The following CCDC73 variants were observed in gnomAD, a reference collection of about 807,000 sequenced individuals.
The protein encoded by CCDC73 is coiled-coil domain containing 73.
Under a neutral mutation model 116.5 loss-of-function variants are expected in CCDC73, and 95 were observed. That is an observed-to-expected ratio of 0.82 (90% confidence interval 0.69 to 0.97). The LOEUF (loss-of-function observed/expected upper bound fraction) is 0.97, where lower values mean the gene tolerates loss of function less well. CCDC73 is among the 50% of genes least tolerant of loss of function. The pLI, the probability that CCDC73 is intolerant of heterozygous loss-of-function variation, is 0.00. For synonymous variants in CCDC73, 398 were observed against 401.3 expected (o/e 0.99, Z 0.10); for missense variants, 1,066 against 1,206.8 (o/e 0.88, Z 1.73).
At position 32,614,343 on chromosome 11, in the gene CCDC73, G is replaced by A; in HGVS notation, c.1975C>T (p.Gln659Ter). Reference sequence around the variant, plus strand: ...AGTTGTATTTGTTTTATTTTACATTGTTTATCATCTAACATAACATTACTT... The same window carrying A: ...AGTTGTATTTGTTTTATTTTACATTATTTATCATCTAACATAACATTACTT... ...NSSNVMLDDKQCKIKQIQLLT... is the reference protein window; with the variant it reads ...NSSNVMLDDK The change falls in exon 16 of 18, where the codon CAA becomes TAA. Residue 659 changes from glutamine to a stop codon, truncating the protein, a stop_gained. Transcript: ENST00000335185. LOFTEE classifies it high-confidence loss of function. The A allele has an allele frequency of 6.2e-7, 1 of 1,610,838 alleles. No individual in the cohort carries two copies. The highest frequency in any genetic ancestry group is 2.2e-5 in the East Asian group (1 of 44,792).
At chr11:32,744,598 T>C (rs1034129845) in intron 2 of CCDC73, among the ~76,000 whole-genome samples, 1 of 152,230 alleles carries the variant, frequency 6.6e-6, no homozygotes, top group Admixed American at 6.5e-5. Context: ...CTGTTATTGG[T>C]CTATTCAGAG....
Position 32,611,268 on chromosome 11 carries a change from G to A in CCDC73, c.2897-3C>T. On this transcript the variant is annotated splice_polypyrimidine_tract_variant and splice_region_variant and intron_variant, in intron 16 of 17. Transcript: ENST00000335185. ...AACTCTGTTAATGCTGGTAGTATCT[G>A]ATTGATAAAGAGGAAATGGCAACAA... The A allele has an allele frequency of 6.2e-7, 1 of 1,609,240 alleles. No individual in the cohort carries two copies. The highest frequency in any genetic ancestry group is 1.3e-5 in the African/African-American group (1 of 74,790).
At chr11:32,715,620 C>T (rs1439186783) in intron 3 of CCDC73, among the ~76,000 whole-genome samples, 1 of 152,044 alleles carries the variant, frequency 6.6e-6, no homozygotes, top group East Asian at 1.9e-4. Flanking sequence ...TATTTTCCAG[C>T]TCAGGTTGAA....
At chr11:32,786,238 T>C (rs1328799380) in intron 1 of CCDC73, among the ~76,000 whole-genome samples, 1 of 151,380 alleles carries the variant, frequency 6.6e-6, no homozygotes, top group African/African-American at 2.4e-5. Flanking sequence ...GCTTACTGAA[T>C]CTTTATTTTT....
intron 2 of CCDC73, among the ~76,000 whole-genome samples, chr11:32,745,867 G>T (rs1352537420): frequency 6.6e-6 from 1 of 150,618 alleles, no homozygotes; most frequent in African/African-American, 2.4e-5. Flanking sequence ...GATGGGTCTT[G>T]ACTCTTTATC....
At chr11:32,775,163 C>A (rs887921503) in intron 1 of CCDC73, among the ~76,000 whole-genome samples, 2 of 152,134 alleles carry the variant, frequency 1.3e-5, no homozygotes, top group African/African-American at 4.8e-5. Flanking sequence ...CTTTGGGAGC[C>A]AGTGTTGTCA....
intron 7 of CCDC73, among the ~76,000 whole-genome samples, chr11:32,677,074 T>G (rs1340544127): frequency 6.6e-6 from 1 of 152,242 alleles, no homozygotes; most frequent in African/African-American, 2.4e-5. Context: ...TTCACAACTT[T>G]CATTCATTTT....
intron 2 of CCDC73, among the ~76,000 whole-genome samples, chr11:32,732,346 A>T (rs536683606): frequency 2.0e-5 from 3 of 152,224 alleles, no homozygotes; most frequent in Admixed American, 1.3e-4. Context: ...AACACACTTC[A>T]GGATATTATC....
chr11:32,677,750 G>A (rs1477654542), intron 7 of CCDC73, among the ~76,000 whole-genome samples: 3 of 151,510 alleles, frequency 2.0e-5, no homozygotes, highest in East Asian at 1.9e-4. Context: ...TCAGGAGTTC[G>A]TGACCATCCT....
At chr11:32,754,878 C>CTTT (rs34982926) in intron 2 of CCDC73, among the ~76,000 whole-genome samples, 43 of 86,564 alleles carry the variant, frequency 5.0e-4, no homozygotes, top group Non-Finnish European at 6.0e-4. Flanking sequence ...ATGGCTTCAA[C>CTTT]TTTTTTTTTT....
intron 2 of CCDC73, among the ~76,000 whole-genome samples, chr11:32,722,949 G>A (rs1850002618): frequency 6.6e-6 from 1 of 152,220 alleles, no homozygotes; most frequent in East Asian, 1.9e-4. Context: ...GTAAATGGCA[G>A]AGCCAGTACT....
chr11:32,613,205 A>G (rs1434735286), intron 16 of CCDC73, among the ~76,000 whole-genome samples: 2 of 152,210 alleles, frequency 1.3e-5, no homozygotes, highest in Non-Finnish European at 2.9e-5. Context: ...AATGAAGAGC[A>G]TATAGAAAGA....
chr11:32,749,212 A>G (rs1049700356), intron 2 of CCDC73, among the ~76,000 whole-genome samples: 3 of 151,726 alleles, frequency 2.0e-5, no homozygotes, highest in African/African-American at 7.3e-5. Context: ...TCGATTTTGT[A>G]TGTGTGTTTC....
At position 32,742,115 on chromosome 11, in the gene CCDC73, A is replaced by C. The variant is rs185201064; in HGVS notation, c.135+17994T>G. Among the ~76,000 whole-genome samples the C allele has an allele frequency of 2.2e-3, 335 of 152,288 alleles. 1 individual carries two copies. The highest frequency in any genetic ancestry group is 7.1e-3 in the Admixed American group (108 of 15,288). On this transcript the variant is annotated intron_variant, in intron 2 of 17. Transcript: ENST00000335185. Reference sequence around the variant, plus strand: ...GCTATTGTGAATAGTGCCGCAATAAACATACGTGTGCATGTGTCTTTACAG... The same window carrying C: ...GCTATTGTGAATAGTGCCGCAATAACCATACGTGTGCATGTGTCTTTACAG...
chr11:32,722,697 T>C (rs1426334327), intron 2 of CCDC73, among the ~76,000 whole-genome samples: 2 of 152,168 alleles, frequency 1.3e-5, no homozygotes, highest in Non-Finnish European at 2.9e-5. Flanking sequence ...GGACTGAAAA[T>C]GTATAAGATA....
intron 1 of CCDC73, among the ~76,000 whole-genome samples, chr11:32,773,001 C>CA (rs907049009): frequency 1.3e-5 from 2 of 151,912 alleles, no homozygotes; most frequent in African/African-American, 2.4e-5. Flanking sequence ...TCATAATAGC[C>CA]AAAAAATGGA....
At chr11:32,809,683 A>T in the CCDC73 span, among the ~76,000 whole-genome samples, 1 of 152,176 alleles carries the variant, frequency 6.6e-6, no homozygotes, top group Non-Finnish European at 1.5e-5. Flanking sequence ...AGGAAGGTGG[A>T]TGGGGGAGGA....
upstream of CCDC73, among the ~76,000 whole-genome samples, chr11:32,794,872 G>GT (rs35414867): frequency 0.57 from 85,555 of 149,224 alleles, 24,804 homozygotes; most frequent in East Asian, 0.84. Context: ...TTTGTTTTTG[G>GT]TTTTTTTTTT....
chr11:32,781,175 A>C (rs1041875611), intron 1 of CCDC73, among the ~76,000 whole-genome samples: 2 of 152,218 alleles, frequency 1.3e-5, no homozygotes, highest in African/African-American at 2.4e-5. Context: ...AAAAATATTT[A>C]TGTTAACACT....
Sources: gnomAD v4.1 joint callset for allele counts (sites outside exome capture counted in the v4.1 genomes callset) on GRCh38, gnomAD v4.1.1 for gene constraint, MANE v1.5 for transcripts, NCBI Gene and HGNC (gene_info 2026-07-23, HGNC 2026-07-21) for gene names.